Variants in AKAP13 observed in about 807,000 individuals in gnomAD.
The protein encoded by AKAP13 is A-kinase anchor protein 13.
Under a neutral mutation model 264.5 loss-of-function variants are expected in AKAP13, and 80 were observed. That is an observed-to-expected ratio of 0.30 (90% CI 0.25 to 0.36). The LOEUF is 0.36. Among genes scored for constraint, AKAP13 ranks in the 10% least tolerant of loss-of-function variants. The probability of loss-of-function intolerance (pLI) is 1.00; values close to 1 mark genes in which losing one functional copy is unlikely to be tolerated. For synonymous variants in AKAP13, 1,380 were observed against 1,250.2 expected, an observed-to-expected ratio of 1.10 and a Z score of -2.19; for missense variants, 3,712 against 3,435.2, an observed-to-expected ratio of 1.08 and a Z score of -2.01.
At chr15:85,653,586 G>A (rs527490845) in intron 10 of AKAP13, among the ~76,000 whole-genome samples, 6 of 152,304 alleles carry the variant, frequency 3.9e-5, no homozygotes, top group South Asian at 4.1e-4. Context: ...CCTTTAAAAA[G>A]AGTCTCCTTA....
intron 10 of AKAP13, among the ~76,000 whole-genome samples, chr15:85,650,015 C>A (rs1488110852): frequency 1.3e-5 from 2 of 152,120 alleles, no homozygotes; most frequent in East Asian, 3.9e-4. Flanking sequence ...ATCAGAATGA[C>A]TTATATAAGA....
chr15:85,740,387 C>T (rs2088863956), intron 34 of AKAP13, 115 bp downstream of exon 34: 3 of 1,228,204 alleles, frequency 2.4e-6, no homozygotes, highest in Non-Finnish European at 1.2e-6. Context: ...AAATGGGGCC[C>T]TCAGTCTAGG....
At chr15:85,711,985 G>A (rs774029748) in intron 19 of AKAP13, among the ~76,000 whole-genome samples, 5 of 152,084 alleles carry the variant, frequency 3.3e-5, no homozygotes, top group East Asian at 1.9e-4. Context: ...GGTGTGCGCC[G>A]CTATGCCTGG....
chr15:85,497,340 TAG>T (rs2075899785), intron 2 of AKAP13, among the ~76,000 whole-genome samples: 1 of 152,214 alleles, frequency 6.6e-6, no homozygotes, highest in African/African-American at 2.4e-5. Context: ...GGAGTGCTGC[TAG>T]ACGAGCTGTG....
chr15:85,498,360 T>C (rs1403711348), intron 2 of AKAP13, among the ~76,000 whole-genome samples: 1 of 152,044 alleles, frequency 6.6e-6, no homozygotes, highest in African/African-American at 2.4e-5. Flanking sequence ...CATAAATACT[T>C]GCGCTGAGAG....
intron 2 of AKAP13, among the ~76,000 whole-genome samples, chr15:85,492,356 T>C (rs1480129101): frequency 6.6e-6 from 1 of 152,230 alleles, no homozygotes; most frequent in African/African-American, 2.4e-5. Flanking sequence ...CACTATAGCC[T>C]GGGCTACAGA....
In AKAP13 at chr15:85,588,657, T is replaced by C. The variant is rs183739163; in HGVS notation, c.4161+2834T>C. ...GTCTCCTCTCTCAGTCCCTTTCCTCTTCTCCTTTTTTCTCTAGTTTTAAGA... is the reference window on the plus strand; with the variant it reads ...GTCTCCTCTCTCAGTCCCTTTCCTCCTCTCCTTTTTTCTCTAGTTTTAAGA... On this transcript the variant is annotated intron_variant, in intron 8 of 36. Coordinates refer to ENST00000394518, the MANE Select transcript of AKAP13 (RefSeq NM_007200.5). 3.9e-5 allele frequency among the ~76,000 whole-genome samples: 6 copies of C among 152,336 alleles called. No homozygotes were observed. The South Asian group carries it at 6.2e-4, about 16-fold the overall frequency.
intron 1 of AKAP13, among the ~76,000 whole-genome samples, chr15:85,393,447 CT>C (rs1264332225): frequency 6.6e-6 from 1 of 152,180 alleles, no homozygotes. Flanking sequence ...ATAGCCAAAG[CT>C]TTTGCTTGGG....
At chr15:85,477,191 C>T (rs1056166664) in intron 1 of AKAP13, among the ~76,000 whole-genome samples, 1 of 151,852 alleles carries the variant, frequency 6.6e-6, no homozygotes, top group Non-Finnish European at 1.5e-5. Flanking sequence ...GAGGGTGCTA[C>T]AGAATGAAAA....
rs141217285 is a variant in AKAP13, at chr15:85,727,114, G to A, written c.6871G>A (p.Val2291Met). The A allele has an allele frequency of 8.1e-6, 13 of 1,614,214 alleles. No individual in the cohort carries two copies. In the African/African-American group the frequency reaches 1.6e-4, roughly 20 times the overall value. ...TTTAAAGAAGCTGATTGTGAGAGAA[G>A]TGGCACATGAGGAGAAAGGTTTATT... ...ISLKKLIVREVAHEEKGLFLI... is the reference protein window; with the variant it reads ...ISLKKLIVREMAHEEKGLFLI... The change falls in exon 28 of 37, where the codon GTG becomes ATG. Residue 2291 changes from valine to methionine, a missense_variant. Val to Met is a conservative substitution (Grantham distance 21, BLOSUM62 1). Around this residue, in one of 3 missense-constraint regions of AKAP13, gnomAD observed 342 missense variants for 484.3 expected, o/e 0.71. Coordinates refer to ENST00000394518, the MANE Select transcript of AKAP13 (RefSeq NM_007200.5). This position sits in a 1 kb window ranked among gnomAD's most constrained non-coding sequence, Gnocchi z 5.3.
At chr15:85,409,038 ATC>A (rs569117904) in intron 1 of AKAP13, among the ~76,000 whole-genome samples, 105 of 151,842 alleles carry the variant, frequency 6.9e-4, no homozygotes, top group Non-Finnish European at 1.2e-3. Context: ...GTGAAGTGAT[ATC>A]TCATTGTGGT....
intron 16 of AKAP13, among the ~76,000 whole-genome samples, chr15:85,687,221 TCACACAACCTCA>T (rs2084987377): frequency 9.8e-6 from 1 of 101,970 alleles, no homozygotes; most frequent in South Asian, 3.0e-4. Context: ...TCACACAACC[TCACACAACCTCA>T]CACAACCTCC....
At chr15:85,540,036 G>A (rs2077530575) in intron 4 of AKAP13, among the ~76,000 whole-genome samples, 2 of 152,164 alleles carry the variant, frequency 1.3e-5, no homozygotes, top group South Asian at 4.1e-4. Context: ...TGTTCAAGTA[G>A]AGAAGCAGAA....
At chr15:85,638,311 A>T (rs1305369595) in intron 8 of AKAP13, among the ~76,000 whole-genome samples, 1 of 151,998 alleles carries the variant, frequency 6.6e-6, no homozygotes, top group East Asian at 1.9e-4. Context: ...TATATTTAAG[A>T]CTTGTTTTGT....
At chr15:85,531,775 G>C (rs1476351856) in intron 3 of AKAP13, among the ~76,000 whole-genome samples, 1 of 152,226 alleles carries the variant, frequency 6.6e-6, no homozygotes, top group African/African-American at 2.4e-5. Context: ...GGAGTATCGT[G>C]TGGATTCAGT....
At chr15:85,399,531 T>TA (rs1209122994) in intron 1 of AKAP13, among the ~76,000 whole-genome samples, 11 of 105,000 alleles carry the variant, frequency 1.0e-4, no homozygotes, top group African/African-American at 4.1e-4. Flanking sequence ...AATAAAAAAA[T>TA]AAAAAAATAA....
At chr15:85,501,094 A>C (rs1470735911) in intron 2 of AKAP13, among the ~76,000 whole-genome samples, 2 of 152,122 alleles carry the variant, frequency 1.3e-5, no homozygotes, top group African/African-American at 4.8e-5. Context: ...GGTGATCTTC[A>C]CCTACCATCA....
At chr15:85,741,728 A>C (rs1422663255) in intron 35 of AKAP13, among the ~76,000 whole-genome samples, 7 of 72,598 alleles carry the variant, frequency 9.6e-5, no homozygotes, top group East Asian at 4.4e-4. Flanking sequence ...AAACAAACAA[A>C]CAAAAAAAAA....
chr15:85,668,525 C>T (rs770293113), intron 13 of AKAP13, among the ~76,000 whole-genome samples: 1 of 152,194 alleles, frequency 6.6e-6, no homozygotes, highest in African/African-American at 2.4e-5. Flanking sequence ...GTTACCTTTA[C>T]GTTCATGTAG....
Sources: allele counts gnomAD v4.1 joint callset (sites outside exome capture counted in the v4.1 genomes callset), GRCh38; gene constraint gnomAD v4.1.1; regional missense constraint gnomAD v4.1.1; non-coding constraint Gnocchi (gnomAD v3.1); transcripts MANE v1.5; gene names NCBI Gene and HGNC (gene_info 2026-07-23, HGNC 2026-07-21).